LRRIQ1: variants seen among roughly 807,000 people sequenced by gnomAD.
LRRIQ1 encodes leucine-rich repeat- and IQ domain-containing protein 1.
In LRRIQ1, 210 loss-of-function variants were observed where a neutral mutation model predicts 211.9. The ratio of observed to expected loss-of-function variants is 0.99; its 90% CI spans 0.89 to 1.11. LRRIQ1 has a LOEUF of 1.11. Ranked by LOEUF, LRRIQ1 falls within the 50% of genes most tolerant of loss-of-function variation. The probability of loss-of-function intolerance (pLI) is 0.00; values close to 1 mark genes in which losing one functional copy is unlikely to be tolerated. For synonymous variants in LRRIQ1, 699 were observed against 650.1 expected, an observed-to-expected ratio of 1.08 and a Z score of -1.14; for missense variants, 2,136 against 1,939.5, an observed-to-expected ratio of 1.10 and a Z score of -1.90.
At chr12:85,224,589 A>T in intron 24 of LRRIQ1, among the ~76,000 whole-genome samples, 1 of 152,150 alleles carries the variant, frequency 6.6e-6, no homozygotes, top group African/African-American at 2.4e-5. Flanking sequence ...TTGCAGGGAC[A>T]TGGATGAAGC....
intron 24 of LRRIQ1, among the ~76,000 whole-genome samples, chr12:85,221,823 G>A (rs918471271): frequency 3.9e-5 from 6 of 152,160 alleles, no homozygotes; most frequent in Admixed American, 3.9e-4. Context: ...AGGCAGTGGA[G>A]AACCAGGAAT....
intron 24 of LRRIQ1, among the ~76,000 whole-genome samples, chr12:85,225,804 C>G (rs1436940005): frequency 6.6e-6 from 1 of 152,152 alleles, no homozygotes; most frequent in East Asian, 1.9e-4. Flanking sequence ...CCAGGTCACC[C>G]TTATTCTTCC....
chr12:85,174,701 C>CAAAAAA lies in LRRIQ1; in HGVS notation c.4822+14004_4822+14009dup, dbSNP rs71076115. Among the ~76,000 whole-genome samples, 33 of 21,590 alleles carry CAAAAAA rather than the reference C, an allele frequency of 1.5e-3. 5 individuals are homozygous for CAAAAAA. Among genetic ancestry groups the CAAAAAA allele is most frequent in the Non-Finnish European group, 2.1e-3 (27 of 12,946 alleles). The allele number at this position is 21,590 out of a possible 152,430, so 14.2% of individuals were successfully genotyped here. Reference sequence around the variant, plus strand: ...TGGGTGACAGAGCAAGAGTACAGCTCAAAAAAAAAAAAAAAAAAAAAATCT... The same window carrying CAAAAAA: ...TGGGTGACAGAGCAAGAGTACAGCTCAAAAAAAAAAAAAAAAAAAAAAAAAAAATCT... On this transcript the variant is annotated intron_variant, in intron 24 of 26. Transcript: ENST00000393217.
intron 24 of LRRIQ1, among the ~76,000 whole-genome samples, chr12:85,220,073 A>G (rs938509565): frequency 6.6e-6 from 1 of 152,190 alleles, no homozygotes; most frequent in African/African-American, 2.4e-5. Context: ...GTAAATCAAA[A>G]TTTTAGTATT....
intron 24 of LRRIQ1, among the ~76,000 whole-genome samples, chr12:85,206,029 G>A (rs1039123262): frequency 2.6e-5 from 4 of 152,154 alleles, no homozygotes; most frequent in East Asian, 1.9e-4. Context: ...ACCACTGGCC[G>A]CAACACTCTG....
the LRRIQ1 span, among the ~76,000 whole-genome samples, chr12:85,271,973 C>T: frequency 6.6e-6 from 1 of 151,970 alleles, no homozygotes; most frequent in Non-Finnish European, 1.5e-5. Flanking sequence ...AAAGGTACAC[C>T]TTTAATGGAT....
chr12:85,213,615 G>C (rs1340999997), intron 24 of LRRIQ1, among the ~76,000 whole-genome samples: 1 of 151,806 alleles, frequency 6.6e-6, no homozygotes, highest in East Asian at 1.9e-4. Flanking sequence ...AATGTCTTCA[G>C]GATTAAAATC....
In LRRIQ1 at chr12:85,098,988, A is replaced by C. The variant is rs776377438; in HGVS notation, c.3203A>C (p.Gln1068Pro). ...TTACTACAAAATATTACTATCTCTC[A>C]AAACAGGTAAAAGCATACTTAAGAA... is the stretch of plus-strand genomic sequence containing the variant. ...LPLLQNITIS[Q>P]NSLTKIVPLF... The change falls in exon 13 of 27, where the codon CAA becomes CCA. Residue 1068 changes from glutamine (Q) to proline (P), a missense_variant. Transcript: ENST00000393217. 3 of 1,549,538 alleles carry C rather than the reference A, an allele frequency of 1.9e-6. No homozygotes were observed. The African/African-American group carries it at 4.2e-5, about 21-fold the overall frequency.
At position 85,115,185 on chromosome 12, in the gene LRRIQ1, A is replaced by G. The variant is rs563850882; in HGVS notation, c.3378-6512A>G. The stretch of plus-strand genomic sequence containing the variant: ...CCTTGATTAGGAGGCGCCCAGCTGG[A>G]AAAGCTAATGTTGAGATCTCACAGT... On this transcript the variant is annotated intron_variant, in intron 15 of 26. Transcript: ENST00000393217. 2.6e-4 allele frequency among the ~76,000 whole-genome samples: 40 copies of G among 152,278 alleles called. No individual in the cohort carries two copies. The South Asian group carries it at 7.0e-3, about 27-fold the overall frequency.
chr12:85,137,932 A>G lies in LRRIQ1; in HGVS notation c.4292A>G (p.Tyr1431Cys). The G allele has an allele frequency of 1.3e-6, 2 of 1,506,776 alleles. No individual in the cohort carries two copies. Among genetic ancestry groups the G allele is most frequent in the Non-Finnish European group, 1.8e-6 (2 of 1,089,062 alleles). The allele number at this position is 1,506,776 out of a possible 1,614,324, so 93.3% of individuals were successfully genotyped here. A position where few individuals can be genotyped will look rare whatever the true frequency, so the allele number is the denominator to read the frequency against. Residue 1431 changes from tyrosine (Y) to cysteine (C), a missense_variant, in exon 19 of 27, where the codon TAC becomes TGC. Physicochemically the swap from Tyr to Cys is radical, Grantham distance 194 (BLOSUM62 -2). Coordinates refer to ENST00000393217, the MANE Select transcript of LRRIQ1 (RefSeq NM_001079910.2). ...AIKNEESDEE[Y>C]REIDLEDFIF... ...AAGAATGAAGAATCCGATGAAGAAT[A>G]CAGAGAAATAGATTTAGAGGATTTT...
chr12:85,134,502 A>G (rs1936438049), intron 18 of LRRIQ1, among the ~76,000 whole-genome samples: 1 of 152,028 alleles, frequency 6.6e-6, no homozygotes, highest in Non-Finnish European at 1.5e-5. Flanking sequence ...TGCCTTGTAT[A>G]TAATAGACAT....
intron 26 of LRRIQ1, among the ~76,000 whole-genome samples, chr12:85,242,210 A>G (rs966295360): frequency 4.6e-5 from 7 of 151,996 alleles, no homozygotes; most frequent in African/African-American, 1.7e-4. Context: ...TTGGAATCCA[A>G]CATACGTTTT....
In LRRIQ1 at chr12:85,228,979, G is replaced by T. The variant is rs189115675; in HGVS notation, c.4823-538G>T. On this transcript the variant is annotated intron_variant, in intron 24 of 26. Coordinates refer to ENST00000393217, the MANE Select transcript of LRRIQ1 (RefSeq NM_001079910.2). Reference sequence around the variant, plus strand: ...AAAATGGAGCAGTCTAAAAGATCAAGTCCATGGAGGAAGGCTTTAAAACAA... The same window carrying T: ...AAAATGGAGCAGTCTAAAAGATCAATTCCATGGAGGAAGGCTTTAAAACAA... Among the ~76,000 whole-genome samples, 238 of 152,258 alleles carry T rather than the reference G, an allele frequency of 1.6e-3. 1 individual carries two copies. Among genetic ancestry groups the T allele is most frequent in the Middle Eastern group, 3.4e-3 (1 of 294 alleles).
chr12:85,229,116 T>A (rs1464023187), intron 24 of LRRIQ1, among the ~76,000 whole-genome samples: 1 of 152,190 alleles, frequency 6.6e-6, no homozygotes, highest in East Asian at 1.9e-4. Context: ...ATATAATTTA[T>A]AAATTCTCCA....
chr12:85,118,529 A>C (rs2136402454), intron 15 of LRRIQ1, among the ~76,000 whole-genome samples: 1 of 142,526 alleles, frequency 7.0e-6, no homozygotes, highest in East Asian at 2.0e-4. Flanking sequence ...TTTATAGAGG[A>C]AAATGTATTT....
At chr12:85,057,604 GT>G (rs1881277766) in intron 8 of LRRIQ1, among the ~76,000 whole-genome samples, 1 of 152,068 alleles carries the variant, frequency 6.6e-6, no homozygotes, top group African/African-American at 2.4e-5. Context: ...CATGACCACT[GT>G]TGTGAAAGAA....
intron 8 of LRRIQ1, among the ~76,000 whole-genome samples, chr12:85,058,761 T>C (rs996239507): frequency 6.6e-6 from 1 of 152,018 alleles, no homozygotes; most frequent in Non-Finnish European, 1.5e-5. Context: ...TTTGTAGAAA[T>C]GTGGATTCTG....
At chr12:85,151,213 C>G (rs545729944) in intron 19 of LRRIQ1, among the ~76,000 whole-genome samples, 1 of 151,542 alleles carries the variant, frequency 6.6e-6, no homozygotes, top group African/African-American at 2.4e-5. Context: ...TGAATAGAGG[C>G]ACACTATTTA....
chr12:85,055,592 A>C lies in LRRIQ1; in HGVS notation c.799A>C (p.Arg267=), dbSNP rs763526182. The C allele has an allele frequency of 2.6e-6, 4 of 1,559,938 alleles. No individual in the cohort carries two copies. The highest frequency in any genetic ancestry group is 2.6e-6 in the Non-Finnish European group (3 of 1,161,692). Residue 267 remains arginine, a synonymous_variant, in exon 8 of 27, where the codon AGA becomes CGA. Coordinates refer to ENST00000393217, the MANE Select transcript of LRRIQ1 (RefSeq NM_001079910.2). ...TTTACAAATGGAAGAAGAAAGAACA[A>C]GATTTAAAGACCAACAAGAAAAAGA... The part of the protein sequence containing the change: ...LHLQMEEERT[R]FKDQQEKEKN...
Sources: allele counts gnomAD v4.1 joint callset (sites outside exome capture counted in the v4.1 genomes callset), GRCh38; gene constraint gnomAD v4.1.1; transcripts MANE v1.5; gene names NCBI Gene and HGNC (gene_info 2026-07-23, HGNC 2026-07-21).